GABBR2: variants seen among roughly 807,000 people sequenced by gnomAD.
GABBR2 encodes gamma-aminobutyric acid type B receptor subunit 2.
A neutral mutation model predicts 105.6 loss-of-function variants in GABBR2; 23 were observed. That is an observed-to-expected ratio of 0.22 (90% CI 0.16 to 0.31). The LOEUF is 0.31. Among genes scored for constraint, GABBR2 ranks in the 10% least tolerant of loss-of-function variants. GABBR2 has a pLI of 1.00. For synonymous variants in GABBR2, 478 were observed against 499.7 expected (o/e 0.96, Z 0.58); for missense variants, 734 against 1,245.5 (o/e 0.59, Z 6.18).
intron 1 of GABBR2, among the ~76,000 whole-genome samples, chr9:98,706,211 C>T (rs1477928031): frequency 1.4e-4 from 22 of 151,892 alleles, no homozygotes; most frequent in Admixed American, 1.4e-3. Context: ...AGCCTGCCAG[C>T]TCAGGGCATC....
intron 8 of GABBR2, among the ~76,000 whole-genome samples, chr9:98,405,581 G>A (rs1252754872): frequency 1.3e-5 from 2 of 152,150 alleles, no homozygotes; most frequent in Non-Finnish European, 2.9e-5. Flanking sequence ...ATCCATGGAG[G>A]ATTGGTTCCA....
chr9:98,684,921 T>G (rs1435441406), intron 1 of GABBR2, among the ~76,000 whole-genome samples: 1 of 152,228 alleles, frequency 6.6e-6, no homozygotes, highest in Non-Finnish European at 1.5e-5. Context: ...CAAGGTAGAA[T>G]GAGGCATTGA....
At chr9:98,393,898 AT>A (rs1370842072) in intron 9 of GABBR2, among the ~76,000 whole-genome samples, 15 of 152,246 alleles carry the variant, frequency 9.9e-5, no homozygotes, top group Admixed American at 9.8e-4. Flanking sequence ...ATAGACCTAA[AT>A]TTAGCAGGGC....
chr9:98,708,045 T>C (rs901810055), intron 1 of GABBR2, among the ~76,000 whole-genome samples: 2 of 152,200 alleles, frequency 1.3e-5, no homozygotes, highest in Admixed American at 1.3e-4. Flanking sequence ...TCCCACTCGG[T>C]ACCTCGCAGC....
chr9:98,343,243 T>C (rs1310788558), intron 13 of GABBR2, among the ~76,000 whole-genome samples: 1 of 152,220 alleles, frequency 6.6e-6, no homozygotes, highest in Non-Finnish European at 1.5e-5. Flanking sequence ...AGGGAATTCC[T>C]GACATAGGTT....
At chr9:98,494,365 G>C (rs1433191145) in intron 4 of GABBR2, among the ~76,000 whole-genome samples, 1 of 152,184 alleles carries the variant, frequency 6.6e-6, no homozygotes, top group Non-Finnish European at 1.5e-5. Flanking sequence ...GGGAGAAGGG[G>C]ATGACTGGAC....
At chr9:98,646,071 C>T (rs1830025955) in intron 1 of GABBR2, among the ~76,000 whole-genome samples, 1 of 152,154 alleles carries the variant, frequency 6.6e-6, no homozygotes, top group African/African-American at 2.4e-5. Context: ...AAAGGGTTAA[C>T]ACAGCGGGTC....
intron 1 of GABBR2, among the ~76,000 whole-genome samples, chr9:98,599,153 C>T (rs1325346604): frequency 5.3e-5 from 8 of 152,268 alleles, no homozygotes; most frequent in Admixed American, 2.6e-4. Flanking sequence ...GGTGAGGACT[C>T]CAACCTAGGG....
At chr9:98,318,917 GGGGT>G (rs1363698399) in intron 13 of GABBR2, among the ~76,000 whole-genome samples, 9 of 142,770 alleles carry the variant, frequency 6.3e-5, no homozygotes, top group South Asian at 2.2e-4. Flanking sequence ...GTGTGTGTTG[GGGGT>G]GTGTGTGTGT....
intron 12 of GABBR2, among the ~76,000 whole-genome samples, chr9:98,367,752 C>A (rs576042921): frequency 2.0e-3 from 309 of 152,124 alleles, no homozygotes; most frequent in African/African-American, 7.3e-3. Context: ...TATTTACCAA[C>A]CAAATTACAG....
chr9:98,325,949 T>A (rs1338001865), intron 13 of GABBR2, among the ~76,000 whole-genome samples: 1 of 152,206 alleles, frequency 6.6e-6, no homozygotes, highest in Non-Finnish European at 1.5e-5. Flanking sequence ...CCCCAATATT[T>A]TCCTCTGCTG....
intron 13 of GABBR2, among the ~76,000 whole-genome samples, chr9:98,344,807 A>C (rs968021293): frequency 1.4e-4 from 22 of 152,024 alleles, no homozygotes; most frequent in African/African-American, 5.3e-4. Context: ...ACTCACTCTC[A>C]TGACTCTATC....
chr9:98,618,350 G>A (rs75358476), intron 1 of GABBR2, among the ~76,000 whole-genome samples: 5 of 152,072 alleles, frequency 3.3e-5, no homozygotes, highest in South Asian at 2.1e-4. Flanking sequence ...GGGTTTGTGC[G>A]CGGTATTTAA....
intron 5 of GABBR2, among the ~76,000 whole-genome samples, chr9:98,479,346 T>C (rs1413661284): frequency 1.3e-5 from 2 of 152,150 alleles, no homozygotes; most frequent in African/African-American, 4.8e-5. Context: ...AACAATCTTA[T>C]CAGACAGGTG....
intron 13 of GABBR2, among the ~76,000 whole-genome samples, chr9:98,315,065 A>G (rs879441420): frequency 2.6e-5 from 4 of 152,104 alleles, no homozygotes; most frequent in African/African-American, 9.7e-5. Context: ...TGCTGCTGAC[A>G]TTCCAGCCTG....
At position 98,578,117 on chromosome 9, in the gene GABBR2, T is replaced by C. The variant is rs754466646; in HGVS notation, c.322-45A>G. ...AAGAAAGGTCCAAATTAGAAACAGCTTTTCCCCAGGGGCATGAGCCCAACA... is the reference window on the plus strand; with the variant it reads ...AAGAAAGGTCCAAATTAGAAACAGCCTTTCCCCAGGGGCATGAGCCCAACA... On this transcript the variant is annotated intron_variant, in intron 1 of 18. Coordinates refer to ENST00000259455, the MANE Select transcript of GABBR2 (RefSeq NM_005458.8). 1.2e-5 allele frequency: 19 copies of C among 1,606,946 alleles called. No individual in the cohort carries two copies. The Admixed American group carries it at 2.0e-4, about 17-fold the overall frequency.
chr9:98,411,231 G>A (rs570007310), intron 7 of GABBR2, among the ~76,000 whole-genome samples: 30 of 152,288 alleles, frequency 2.0e-4, no homozygotes, highest in African/African-American at 7.2e-4. Flanking sequence ...AATAGTTCAG[G>A]TTTAATTGGG....
chr9:98,638,859 A>G (rs1418995205), intron 1 of GABBR2, among the ~76,000 whole-genome samples: 1 of 152,252 alleles, frequency 6.6e-6, no homozygotes, highest in African/African-American at 2.4e-5. Context: ...GTTATAGATT[A>G]AAAAGTTAAT....
chr9:98,507,711 T>C (rs1827542077), intron 3 of GABBR2, among the ~76,000 whole-genome samples: 1 of 152,214 alleles, frequency 6.6e-6, no homozygotes, highest in Non-Finnish European at 1.5e-5. Context: ...AGGCTAGCAG[T>C]GACTTATCCT....
Sources: allele counts gnomAD v4.1 joint callset (sites outside exome capture counted in the v4.1 genomes callset), GRCh38; gene constraint gnomAD v4.1.1; transcripts MANE v1.5; gene names NCBI Gene and HGNC (gene_info 2026-07-23, HGNC 2026-07-21).